The following ZSCAN20 variants were observed in gnomAD, a reference collection of about 807,000 sequenced individuals.
ZSCAN20 encodes the protein zinc finger and SCAN domain-containing protein 20.
ZSCAN20 carries 39 observed loss-of-function variants against 97.1 expected under a neutral mutation model. That is an observed-to-expected ratio of 0.40 (90% confidence interval 0.31 to 0.52). ZSCAN20 has a LOEUF of 0.52. Ranked by LOEUF, ZSCAN20 falls within the 20% of genes least tolerant of loss-of-function variation. ZSCAN20 has a pLI of 0.49. For missense variants in ZSCAN20, 1,115 were observed against 1,290.4 expected, an observed-to-expected ratio of 0.86 and a Z score of 2.08; for synonymous variants, 456 against 467.3, an observed-to-expected ratio of 0.98 and a Z score of 0.31.
Position 33,494,666 on chromosome 1 carries a change from C to T in ZSCAN20, c.2322C>T (p.Ser774=). 6.2e-7 allele frequency: 1 copy of T among 1,614,140 alleles called. No homozygotes were observed. Among genetic ancestry groups the T allele is most frequent in the Non-Finnish European group, 8.5e-7 (1 of 1,180,030 alleles). ...KPYKCLECGK[S]FSDHSNLITH... ...ATAAATGCCTTGAATGTGGGAAAAG[C>T]TTTAGTGACCATTCTAATCTCATCA... is the stretch of plus-strand genomic sequence containing the variant. Residue 774 remains serine, a synonymous_variant, in exon 8 of 8, where the codon AGC becomes AGT. Coordinates refer to ENST00000684572, the MANE Select transcript of ZSCAN20 (RefSeq NM_001377376.1).
intron 2 of ZSCAN20, among the ~76,000 whole-genome samples, chr1:33,484,619 CTTT>C (rs34906889): frequency 3.7e-5 from 5 of 133,454 alleles, no homozygotes; most frequent in Non-Finnish European, 3.2e-5. Context: ...GATTTTGCAT[CTTT>C]TTTTTTTTTT....
intron 5 of ZSCAN20, among the ~76,000 whole-genome samples, chr1:33,490,603 A>G (rs911767048): frequency 2.6e-5 from 4 of 151,568 alleles, no homozygotes; most frequent in Non-Finnish European, 4.4e-5. Context: ...ATAGATGCCA[A>G]TGGTGGCAAT....
chr1:33,486,792 T>A (rs1038686974), intron 2 of ZSCAN20, among the ~76,000 whole-genome samples: 1 of 152,162 alleles, frequency 6.6e-6, no homozygotes, highest in Non-Finnish European at 1.5e-5. Flanking sequence ...ATAAGAAGAT[T>A]GATAAGCAGA....
chr1:33,489,680 C>A, intron 5 of ZSCAN20, 78 bp downstream of exon 5: 2 of 1,331,746 alleles, frequency 1.5e-6, no homozygotes, highest in South Asian at 2.4e-5. Context: ...TTTGCCGCTC[C>A]TTTAAGAATC....
In ZSCAN20 at chr1:33,498,748, A is replaced by G. The variant is rs1308001863; in HGVS notation, c.*3272A>G. Among the ~76,000 whole-genome samples the G allele has an allele frequency of 6.6e-6, 1 of 152,196 alleles. No homozygotes were observed. The highest frequency in any genetic ancestry group is 1.9e-4 in the East Asian group (1 of 5,196). On this transcript the variant is annotated 3_prime_UTR_variant, in exon 8 of 8. Transcript: ENST00000684572. ...CATCATGTGAGCTGCTAAAGGCAGG[A>G]TCGTCTCCCCAGATGGCTGCCTCCC...
chr1:33,484,995 T>C (rs1652303000), intron 2 of ZSCAN20, among the ~76,000 whole-genome samples: 1 of 152,202 alleles, frequency 6.6e-6, no homozygotes, highest in Non-Finnish European at 1.5e-5. Flanking sequence ...TTGGTTTTGG[T>C]ATTAGGGTAA....
chr1:33,481,284 A>G (rs1557437056), intron 2 of ZSCAN20, among the ~76,000 whole-genome samples: 1 of 152,214 alleles, frequency 6.6e-6, no homozygotes, highest in Non-Finnish European at 1.5e-5. Flanking sequence ...TTGGGACATA[A>G]AGAACTTGAG....
rs1444151690 is a variant in ZSCAN20 at position 33,499,236 on chromosome 1, G to A, written c.*3760G>A. ...TAATGAAGGCAGTGATGTCTGGAGT[G>A]GGTGTGGGTGTTGCAGGTGAACTTG... On this transcript the variant is annotated 3_prime_UTR_variant, in exon 8 of 8. Coordinates refer to ENST00000684572, the MANE Select transcript of ZSCAN20 (RefSeq NM_001377376.1). 6.6e-6 allele frequency among the ~76,000 whole-genome samples: 1 copy of A among 152,180 alleles called. No individual in the cohort carries two copies. Among genetic ancestry groups the A allele is most frequent in the Non-Finnish European group, 1.5e-5 (1 of 68,026 alleles).
chr1:33,485,264 T>G (rs746306089), intron 2 of ZSCAN20, among the ~76,000 whole-genome samples: 4 of 152,194 alleles, frequency 2.6e-5, no homozygotes, highest in Non-Finnish European at 4.4e-5. Context: ...CTTTTTCATC[T>G]AGGTTGTCAA....
At chr1:33,488,948 C>T (rs548648395) in intron 3 of ZSCAN20, among the ~76,000 whole-genome samples, 167 bp from the exon 4 acceptor site, 120 of 152,286 alleles carry the variant, frequency 7.9e-4, no homozygotes, top group South Asian at 1.7e-3. Flanking sequence ...CCACTCACAG[C>T]AGCTTAGGAG....
rs1389672926 is a variant in ZSCAN20, at chr1:33,497,127, C to A, written c.*1651C>A. Reference sequence around the variant, plus strand: ...TGTGAAGCAGCCTTGAAGAATGGAACTTTTATTAACATGTGAGGAAGCCAG... The same window carrying A: ...TGTGAAGCAGCCTTGAAGAATGGAAATTTTATTAACATGTGAGGAAGCCAG... On this transcript the variant is annotated 3_prime_UTR_variant, in exon 8 of 8. Coordinates refer to ENST00000684572, the MANE Select transcript of ZSCAN20 (RefSeq NM_001377376.1). Among the ~76,000 whole-genome samples the A allele has an allele frequency of 6.6e-6, 1 of 152,142 alleles. No homozygotes were observed. Among genetic ancestry groups the A allele is most frequent in the Non-Finnish European group, 1.5e-5 (1 of 68,034 alleles).
At chr1:33,490,646 C>A (rs1439567302) in intron 5 of ZSCAN20, among the ~76,000 whole-genome samples, 2 of 54,090 alleles carry the variant, frequency 3.7e-5, no homozygotes, top group Non-Finnish European at 6.8e-5. Context: ...TCACTACACA[C>A]ACAAACACAC....
At position 33,489,194 on chromosome 1, in the gene ZSCAN20, A is replaced by G; in HGVS notation, c.681+3A>G. On this transcript the variant is annotated splice_donor_region_variant and intron_variant, in intron 4 of 7. Coordinates refer to ENST00000684572, the MANE Select transcript of ZSCAN20 (RefSeq NM_001377376.1). ...GGGAGGTGACAGCTGAGTCCCAGGT[A>G]AGCTGTTACTCGTTCTTCCTTTCCT... 1 of 1,613,124 alleles carries G rather than the reference A, an allele frequency of 6.2e-7. No individual in the cohort carries two copies. Among genetic ancestry groups the G allele is most frequent in the Non-Finnish European group, 8.5e-7 (1 of 1,179,370 alleles).
chr1:33,494,953 CAG>C lies in ZSCAN20; in HGVS notation c.2610_2611del (p.Lys873ThrfsTer3), dbSNP rs762034187. On this transcript the variant is annotated frameshift_variant, in exon 8 of 8. Transcript: ENST00000684572. LOFTEE classifies it high-confidence loss of function. Reference sequence around the variant, plus strand: ...TCTCCTGGACCACACAGCACAAACTCAGGGGAGAAACTTTATGAGTGTTCTGA... The same window carrying C: ...TCTCCTGGACCACACAGCACAAACTCGGGAGAAACTTTATGAGTGTTCTGA... 2 of 1,614,146 alleles carry C rather than the reference CAG, an allele frequency of 1.2e-6. No individual in the cohort carries two copies. Among genetic ancestry groups the C allele is most frequent in the Admixed American group, 3.3e-5 (2 of 60,024 alleles).
chr1:33,492,035 C>G (rs1652639274), intron 6 of ZSCAN20: 1 of 195,382 alleles, frequency 5.1e-6, no homozygotes, highest in Admixed American at 5.4e-5. Flanking sequence ...ATATATTTCT[C>G]TTAATTTGTA....
rs758706304 is a variant in ZSCAN20, at chr1:33,491,585, G to C, written c.1327G>C (p.Gly443Arg). 6.2e-7 allele frequency: 1 copy of C among 1,613,966 alleles called. No individual in the cohort carries two copies. The highest frequency in any genetic ancestry group is 8.5e-7 in the Non-Finnish European group (1 of 1,179,800). Residue 443 changes from glycine to arginine, a missense_variant, in exon 6 of 8, where the codon GGG becomes CGG. Physicochemically the swap from Gly to Arg is moderately radical, Grantham distance 125 (BLOSUM62 -2). This residue lies in a region of ZSCAN20 where 508 missense variants were observed against 611.2 expected (regional missense o/e 0.83). Transcript: ENST00000684572. The surrounding 1 kb of genome is among the most constrained non-coding windows in gnomAD (Gnocchi z 4.3). Reference sequence around the variant, plus strand: ...CGCAGAGATGGATGAGCAGGAGGAAGGGGGCTGGGATCCTGAAGAAATGGC... The same window carrying C: ...CGCAGAGATGGATGAGCAGGAGGAACGGGGCTGGGATCCTGAAGAAATGGC... Reference protein sequence around the residue: ...SDAEMDEQEEGGWDPEEMAED... With the variant: ...SDAEMDEQEERGWDPEEMAED...
chr1:33,485,744 T>C (rs932347633), intron 2 of ZSCAN20, among the ~76,000 whole-genome samples: 1 of 152,218 alleles, frequency 6.6e-6, no homozygotes, highest in African/African-American at 2.4e-5. Context: ...TAGAGGCTTA[T>C]TGATGTTATT....
chr1:33,484,677 A>G (rs1186902241), intron 2 of ZSCAN20, among the ~76,000 whole-genome samples: 1 of 147,266 alleles, frequency 6.8e-6, no homozygotes, highest in African/African-American at 2.5e-5. Context: ...GCTGGAGTGC[A>G]GTGGCATGAT....
In ZSCAN20 at chr1:33,491,689, C is replaced by G; in HGVS notation, c.1431C>G (p.Phe477Leu). 2 of 1,593,798 alleles carry G rather than the reference C, an allele frequency of 1.3e-6. No homozygotes were observed. The highest frequency in any genetic ancestry group is 1.7e-6 in the Non-Finnish European group (2 of 1,172,038). The change falls in exon 6 of 8, where the codon TTC (phenylalanine) becomes TTG (leucine). Residue 477 changes from phenylalanine to leucine, a missense_variant. By Grantham distance (22) the Phe-to-Leu change is conservative (BLOSUM62 0). This residue lies in a region of ZSCAN20 where 508 missense variants were observed against 611.2 expected (regional missense o/e 0.83). Coordinates refer to ENST00000684572, the MANE Select transcript of ZSCAN20 (RefSeq NM_001377376.1). This position sits in a 1 kb window ranked among gnomAD's most constrained non-coding sequence, Gnocchi z 4.3. ...GGATTGCAGGGGCCCCAGCTCTGTT[C>G]CAGAGTCGTATTGGTAAGAACATGG... Reference protein sequence around the residue: ...GPRIAGAPALFQSRIAGVHWG... With the variant: ...GPRIAGAPALLQSRIAGVHWG...
Sources: gnomAD v4.1 joint callset for allele counts (sites outside exome capture counted in the v4.1 genomes callset) on GRCh38, gnomAD v4.1.1 for gene constraint, gnomAD v4.1.1 regional missense constraint, Gnocchi (gnomAD v3.1) non-coding constraint, MANE v1.5 for transcripts, NCBI Gene and HGNC (gene_info 2026-07-23, HGNC 2026-07-21) for gene names.